The following PRKN variants were observed in gnomAD, a reference collection of about 807,000 sequenced individuals.
The protein encoded by PRKN is E3 ubiquitin-protein ligase parkin.
PRKN carries 56 observed loss-of-function variants against 59.5 expected under a neutral mutation model. The observed-to-expected ratio is 0.94, with a 90% CI of 0.76 to 1.18. The LOEUF (loss-of-function observed/expected upper bound fraction) is 1.18, where lower values mean the gene tolerates loss of function less well. Ranked by LOEUF, PRKN falls within the 50% of genes most tolerant of loss-of-function variation. The pLI is 0.00. For missense variants in PRKN, 657 were observed against 596.4 expected, an observed-to-expected ratio of 1.10 and a Z score of -1.06; for synonymous variants, 250 against 222.1, an observed-to-expected ratio of 1.13 and a Z score of -1.12.
chr6:162,178,272 A>T (rs957780266), intron 4 of PRKN, among the ~76,000 whole-genome samples: 3 of 152,234 alleles, frequency 2.0e-5, no homozygotes, highest in African/African-American at 7.2e-5. Context: ...TTTCACAGAA[A>T]CAGTTCTATT....
intron 3 of PRKN, among the ~76,000 whole-genome samples, chr6:162,258,657 C>T (rs534037340): frequency 8.5e-5 from 13 of 152,324 alleles, no homozygotes; most frequent in Non-Finnish European, 1.9e-4. Context: ...TTGCTGGAAA[C>T]GCAACTTCTC....
chr6:162,668,991 C>T lies in PRKN; in HGVS notation c.7+58671G>A, dbSNP rs541427287. Among the ~76,000 whole-genome samples, 15 of 152,224 alleles carry T rather than the reference C, an allele frequency of 9.9e-5. No homozygotes were observed. The South Asian group carries it at 1.0e-3, about 11-fold the overall frequency. On this transcript the variant is annotated intron_variant, in intron 1 of 11. Transcript: ENST00000366898. ...ATTTTGAGATAGACACAATGATTCC[C>T]GTTTGAGAATCTGAAGTACCAAGAC... is the stretch of plus-strand genomic sequence containing the variant.
At chr6:161,923,151 C>A (rs1778844905) in intron 6 of PRKN, among the ~76,000 whole-genome samples, 1 of 152,200 alleles carries the variant, frequency 6.6e-6, no homozygotes, top group African/African-American at 2.4e-5. Context: ...GCATACAATC[C>A]TCCACTGAGT....
At chr6:161,935,749 T>C (rs1779334049) in intron 6 of PRKN, among the ~76,000 whole-genome samples, 1 of 152,114 alleles carries the variant, frequency 6.6e-6, no homozygotes, top group Non-Finnish European at 1.5e-5. Context: ...AGTTTACAAA[T>C]TGATAACTCC....
At chr6:162,334,409 C>A (rs1474383261) in intron 2 of PRKN, among the ~76,000 whole-genome samples, 2 of 152,174 alleles carry the variant, frequency 1.3e-5, no homozygotes, top group African/African-American at 4.8e-5. Flanking sequence ...CCATTAAAAT[C>A]CTAGGGCCCA....
chr6:162,079,505 CA>C (rs1196502374), intron 4 of PRKN, among the ~76,000 whole-genome samples: 1 of 152,114 alleles, frequency 6.6e-6, no homozygotes, highest in Non-Finnish European at 1.5e-5. Flanking sequence ...TCAGTTCTCT[CA>C]AATGTATTCA....
chr6:161,481,638 C>T (rs74554460), intron 9 of PRKN, among the ~76,000 whole-genome samples: 4 of 149,608 alleles, frequency 2.7e-5, no homozygotes, highest in Admixed American at 6.6e-5. Flanking sequence ...AACAAAAAAA[C>T]AAAAACAAAC....
intron 1 of PRKN, among the ~76,000 whole-genome samples, chr6:162,666,396 T>C (rs1278616684): frequency 6.6e-6 from 1 of 152,128 alleles, no homozygotes; most frequent in Non-Finnish European, 1.5e-5. Context: ...TAAAATATCA[T>C]TTTTTAAAAA....
chr6:161,951,853 C>T (rs112858700), intron 6 of PRKN, among the ~76,000 whole-genome samples: 173 of 150,914 alleles, frequency 1.1e-3, no homozygotes, highest in African/African-American at 3.9e-3. Context: ...ACCCAGAAGG[C>T]GGAGATTACA....
chr6:162,607,017 T>C lies in PRKN; in HGVS notation c.7+120645A>G, dbSNP rs1400727880. ...TGTGAGCCATGGTGCCCAGCCCGGT[T>C]ATTTATTGAAACAAAAACACTGGAA... On this transcript the variant is annotated intron_variant, in intron 1 of 11. Coordinates refer to ENST00000366898, the MANE Select transcript of PRKN (RefSeq NM_004562.3). 3.3e-5 allele frequency among the ~76,000 whole-genome samples: 5 copies of C among 152,250 alleles called. No individual in the cohort carries two copies. In the South Asian group the frequency reaches 1.0e-3, roughly 32 times the overall value.
chr6:161,787,836 C>T (rs1263604260), intron 6 of PRKN, among the ~76,000 whole-genome samples: 1 of 152,134 alleles, frequency 6.6e-6, no homozygotes, highest in African/African-American at 2.4e-5. Context: ...ATCCCAGCTA[C>T]TCAGGAGGCT....
chr6:161,718,847 T>A (rs1350079467), intron 7 of PRKN, among the ~76,000 whole-genome samples: 3 of 152,216 alleles, frequency 2.0e-5, no homozygotes, highest in Admixed American at 6.5e-5. Flanking sequence ...AGAAAAAAAA[T>A]TTAAGAATAA....
At chr6:161,727,388 C>A (rs1787487979) in intron 7 of PRKN, among the ~76,000 whole-genome samples, 1 of 152,174 alleles carries the variant, frequency 6.6e-6, no homozygotes, top group Non-Finnish European at 1.5e-5. Flanking sequence ...CACAGTGCAA[C>A]TCAGTGATGG....
intron 2 of PRKN, among the ~76,000 whole-genome samples, chr6:162,398,605 G>T (rs1226827983): frequency 6.6e-6 from 1 of 152,108 alleles, no homozygotes; most frequent in African/African-American, 2.4e-5. Context: ...GGCCAGGCTG[G>T]TTTTGAATTC....
rs115306187 is a variant in PRKN, at chr6:161,406,783, C to T, written c.1084-19906G>A. ...GTTTCTGTCAATCAGTGATTCACGCCGAGTCATGTTCAATCATGTTACCAC... is the reference window on the plus strand; with the variant it reads ...GTTTCTGTCAATCAGTGATTCACGCTGAGTCATGTTCAATCATGTTACCAC... On this transcript the variant is annotated intron_variant, in intron 9 of 11. Transcript: ENST00000366898. Among the ~76,000 whole-genome samples the T allele has an allele frequency of 3.5e-3, 534 of 152,188 alleles. 8 individuals are homozygous for T. The highest frequency in any genetic ancestry group is 0.012 in the African/African-American group (492 of 41,500).
chr6:162,567,609 TAAATC>T (rs144939248), intron 1 of PRKN, among the ~76,000 whole-genome samples: 33,885 of 151,762 alleles, frequency 0.22, 4,500 homozygotes, highest in African/African-American at 0.37. Flanking sequence ...ACTAATGAAA[TAAATC>T]AAAGAGAATG....
intron 1 of PRKN, among the ~76,000 whole-genome samples, chr6:162,543,908 G>A (rs1422563670): frequency 6.6e-5 from 10 of 152,128 alleles, no homozygotes; most frequent in Admixed American, 6.5e-4. Flanking sequence ...CCTAGGCCCT[G>A]GACCCTCTGA....
In PRKN at chr6:161,757,871, C is replaced by CTCTCTCTCTCTCTGTGTG. The variant is rs1380898753; in HGVS notation, c.871+27900_871+27901insCACACAGAGAGAGAGAGA. Among the ~76,000 whole-genome samples, 65 of 97,978 alleles carry CTCTCTCTCTCTCTGTGTG rather than the reference C, an allele frequency of 6.6e-4. 1 individual carries two copies. Among genetic ancestry groups the CTCTCTCTCTCTCTGTGTG allele is most frequent in the Admixed American group, 1.8e-3 (15 of 8,334 alleles). 64.3% of individuals were successfully genotyped at this position (97,978 alleles called of 152,430 possible). Reference sequence around the variant, plus strand: ...TCTCTCTCTCTCTCTCTCTCTCTCTCTGTGTATATATATATACACACACAC... The same window carrying CTCTCTCTCTCTCTGTGTG: ...TCTCTCTCTCTCTCTCTCTCTCTCTCTCTCTCTCTCTCTGTGTGTGTGTATATATATATACACACACAC... On this transcript the variant is annotated intron_variant, in intron 7 of 11. Transcript: ENST00000366898.
At chr6:162,179,195 T>C (rs1320664173) in intron 4 of PRKN, among the ~76,000 whole-genome samples, 2 of 152,224 alleles carry the variant, frequency 1.3e-5, no homozygotes, top group African/African-American at 2.4e-5. Context: ...TCAGTCGTAA[T>C]TGCATTTTGA....
Sources: allele counts gnomAD v4.1 joint callset (sites outside exome capture counted in the v4.1 genomes callset), GRCh38; gene constraint gnomAD v4.1.1; transcripts MANE v1.5; gene names NCBI Gene and HGNC (gene_info 2026-07-23, HGNC 2026-07-21).